Variants in NELL1 observed in about 807,000 individuals in gnomAD.
NELL1 encodes protein kinase C-binding protein NELL1.
NELL1 carries 76 observed loss-of-function variants against 107.4 expected under a neutral mutation model. The observed-to-expected ratio is 0.71, with a 90% CI of 0.59 to 0.86. The LOEUF (loss-of-function observed/expected upper bound fraction) is 0.86. Ranked by LOEUF, NELL1 falls within the 40% of genes least tolerant of loss-of-function variation. The pLI is 0.00. For synonymous variants in NELL1, 353 were observed against 341.2 expected (o/e 1.03, Z -0.38); for missense variants, 1,024 against 1,005.5 (o/e 1.02, Z -0.25).
chr11:21,162,803 G>C (rs1374811727), intron 13 of NELL1, among the ~76,000 whole-genome samples: 1 of 152,090 alleles, frequency 6.6e-6, no homozygotes, highest in Non-Finnish European at 1.5e-5. Context: ...ACAATCACTA[G>C]TTTATGAATT....
chr11:21,547,027 C>G (rs1196471395), intron 16 of NELL1, among the ~76,000 whole-genome samples: 1 of 151,882 alleles, frequency 6.6e-6, no homozygotes, highest in Admixed American at 6.6e-5. Context: ...CACAGTCTTT[C>G]CAGTCTGGAG....
chr11:21,468,303 G>T (rs1247010173), intron 15 of NELL1, among the ~76,000 whole-genome samples: 1 of 151,946 alleles, frequency 6.6e-6, no homozygotes, highest in Non-Finnish European at 1.5e-5. Context: ...GTTTTAAGTT[G>T]CTTATGGCTT....
intron 12 of NELL1, among the ~76,000 whole-genome samples, chr11:21,026,229 G>A (rs575768927): frequency 6.6e-6 from 1 of 152,168 alleles, no homozygotes; most frequent in South Asian, 2.1e-4. Context: ...CAGTGTAAAA[G>A]CAAAGCTTGG....
intron 16 of NELL1, among the ~76,000 whole-genome samples, chr11:21,548,366 A>C (rs1050877325): frequency 6.6e-6 from 1 of 151,926 alleles, no homozygotes; most frequent in Admixed American, 6.6e-5. Context: ...ATAAAGACAT[A>C]CCCAAGACTG....
At chr11:20,997,291 C>G (rs1172895253) in intron 12 of NELL1, among the ~76,000 whole-genome samples, 1 of 152,078 alleles carries the variant, frequency 6.6e-6, no homozygotes, top group East Asian at 1.9e-4. Context: ...CATGGTAAGA[C>G]TAAACATTAG....
At chr11:21,271,458 C>A (rs1473482732) in intron 14 of NELL1, among the ~76,000 whole-genome samples, 1 of 152,236 alleles carries the variant, frequency 6.6e-6, no homozygotes, top group East Asian at 1.9e-4. Context: ...AGGCCTATAT[C>A]TATTACAGAA....
At chr11:20,733,892 A>T (rs1372365408) in intron 2 of NELL1, among the ~76,000 whole-genome samples, 1 of 152,202 alleles carries the variant, frequency 6.6e-6, no homozygotes, top group Non-Finnish European at 1.5e-5. Context: ...ATTCTAGCGT[A>T]GACAGTCAAT....
chr11:20,907,906 C>T (rs1236144668), intron 5 of NELL1, among the ~76,000 whole-genome samples: 1 of 152,074 alleles, frequency 6.6e-6, no homozygotes, highest in Non-Finnish European at 1.5e-5. Flanking sequence ...TGAACAGACA[C>T]TTCTCAAAGG....
At chr11:21,129,430 A>C (rs1855565091) in intron 13 of NELL1, among the ~76,000 whole-genome samples, 1 of 152,198 alleles carries the variant, frequency 6.6e-6, no homozygotes, top group African/African-American at 2.4e-5. Flanking sequence ...AAAGAATTGA[A>C]AGTAGGGTCT....
In NELL1 at chr11:21,229,376, G is replaced by A; in HGVS notation, c.1471G>A (p.Ala491Thr). ...CGGCCAGCACAACTGTGATGAGAAT[G>A]CCATCTGCACCAACACTGTCCAGGG... ...GSGQHNCDEN[A>T]ICTNTVQGHS... The change falls in exon 14 of 20, where the codon GCC becomes ACC. Residue 491 changes from alanine (A) to threonine (T), a missense_variant. Transcript: ENST00000357134. 2.5e-6 allele frequency: 4 copies of A among 1,613,978 alleles called. No homozygotes were observed. The highest frequency in any genetic ancestry group is 3.4e-6 in the Non-Finnish European group (4 of 1,179,904).
At chr11:21,324,658 G>A (rs1189613642) in intron 14 of NELL1, among the ~76,000 whole-genome samples, 1 of 152,022 alleles carries the variant, frequency 6.6e-6, no homozygotes, top group East Asian at 1.9e-4. Context: ...TACAAAGGCT[G>A]CTCTCAAGCA....
At chr11:20,729,783 G>A (rs1855589145) in intron 2 of NELL1, among the ~76,000 whole-genome samples, 3 of 152,126 alleles carry the variant, frequency 2.0e-5, no homozygotes, top group African/African-American at 7.2e-5. Context: ...GAATAACTGT[G>A]AGTCACTTCT....
Position 21,478,556 on chromosome 11 carries a change from A to G in NELL1, c.1646-55818A>G, listed in dbSNP as rs184788266. On this transcript the variant is annotated intron_variant, in intron 15 of 19. Transcript: ENST00000357134. ...CATGGATTGAGGGCTTAAATCTAAG[A>G]CCTCAAATTATGAAACTCCTAAAAG... Among the ~76,000 whole-genome samples, 332 of 152,230 alleles carry G rather than the reference A, an allele frequency of 2.2e-3. 2 individuals are homozygous for G. Among genetic ancestry groups the G allele is most frequent in the African/African-American group, 7.5e-3 (312 of 41,534 alleles).
intron 15 of NELL1, among the ~76,000 whole-genome samples, chr11:21,433,131 A>G (rs1400547680): frequency 6.6e-6 from 1 of 152,086 alleles, no homozygotes; most frequent in Non-Finnish European, 1.5e-5. Flanking sequence ...TCCATACCTG[A>G]CTTATCTTTC....
At chr11:21,128,440 G>T (rs997574940) in intron 13 of NELL1, among the ~76,000 whole-genome samples, 2 of 152,106 alleles carry the variant, frequency 1.3e-5, no homozygotes, top group Non-Finnish European at 2.9e-5. Flanking sequence ...GTTTCAAATA[G>T]CTGGGATGTT....
rs528350269 is a variant in NELL1, at chr11:20,781,279, C to T, written c.185-2401C>T. 1.8e-4 allele frequency among the ~76,000 whole-genome samples: 28 copies of T among 152,198 alleles called. 2 individuals are homozygous for T. In the South Asian group the frequency reaches 5.0e-3, roughly 27 times the overall value. On this transcript the variant is annotated intron_variant, in intron 2 of 19. Transcript: ENST00000357134. ...TTTGACTTGAGGAACAGGGTGTGAC[C>T]GTTTACTAAGACTGGGACCTTTGTG...
intron 13 of NELL1, among the ~76,000 whole-genome samples, chr11:21,125,433 G>A (rs961055382): frequency 6.6e-6 from 1 of 151,966 alleles, no homozygotes; most frequent in Non-Finnish European, 1.5e-5. Context: ...TTTTGAAAGA[G>A]TTCAGCTTCT....
intron 12 of NELL1, among the ~76,000 whole-genome samples, chr11:21,074,670 C>T (rs1374070804): frequency 2.9e-5 from 2 of 68,882 alleles, no homozygotes; most frequent in African/African-American, 1.3e-4. Context: ...GTGGAATTTA[C>T]ACATGTGTTT....
At chr11:21,563,062 A>G (rs557173826) in intron 17 of NELL1, among the ~76,000 whole-genome samples, 3 of 152,196 alleles carry the variant, frequency 2.0e-5, no homozygotes, top group South Asian at 2.1e-4. Flanking sequence ...TTAATTAGGT[A>G]CAGAAAGATT....
Sources: allele counts gnomAD v4.1 joint callset (sites outside exome capture counted in the v4.1 genomes callset), GRCh38; gene constraint gnomAD v4.1.1; transcripts MANE v1.5; gene names NCBI Gene and HGNC (gene_info 2026-07-23, HGNC 2026-07-21).